SLC38A4: variants seen among roughly 807,000 people sequenced by gnomAD.
SLC38A4 encodes solute carrier family 38 member 4, also known as sodium-coupled neutral amino acid transporter 4.
A neutral mutation model predicts 63.1 loss-of-function variants in SLC38A4; 20 were observed. The ratio of observed to expected loss-of-function variants is 0.32; its 90% CI spans 0.22 to 0.46. SLC38A4 has a LOEUF of 0.46. Among genes scored for constraint, SLC38A4 ranks in the 20% least tolerant of loss-of-function variants. SLC38A4 has a pLI of 1.00. For missense variants in SLC38A4, 526 were observed against 663.6 expected (o/e 0.79, Z 2.28); for synonymous variants, 230 against 225.5 (o/e 1.02, Z -0.18).
Position 46,766,408 on chromosome 12 carries a change from C to A in SLC38A4, c.*293G>T, listed in dbSNP as rs970412282. Reference sequence around the variant, plus strand: ...ATCTGATGATTGTTACATGCAGTTACCCTTATTCTGCTCGTAAAGCAGCAA... The same window carrying A: ...ATCTGATGATTGTTACATGCAGTTAACCTTATTCTGCTCGTAAAGCAGCAA... On this transcript the variant is annotated 3_prime_UTR_variant, in exon 17 of 17. Coordinates refer to ENST00000266579, the MANE Select transcript of SLC38A4 (RefSeq NM_018018.5). The A allele has an allele frequency of 1.9e-6, 1 of 514,744 alleles. No homozygotes were observed. The highest frequency in any genetic ancestry group is 3.8e-6 in the Non-Finnish European group (1 of 265,802). The allele number at this position is 514,744 out of a possible 1,614,324, so 31.9% of individuals were successfully genotyped here.
At chr12:46,813,294 G>A (rs1939376112) in intron 1 of SLC38A4, among the ~76,000 whole-genome samples, 1 of 151,940 alleles carries the variant, frequency 6.6e-6, no homozygotes. Flanking sequence ...TTATTACAAA[G>A]CACAGTCCTT....
chr12:46,821,958 T>G (rs1939558759), intron 1 of SLC38A4, among the ~76,000 whole-genome samples: 2 of 152,178 alleles, frequency 1.3e-5, no homozygotes, highest in African/African-American at 4.8e-5. Context: ...ATTGTTTTGT[T>G]AATTTCCTGA....
At chr12:46,773,290 A>T (rs900277490) in intron 14 of SLC38A4, among the ~76,000 whole-genome samples, 36 of 152,058 alleles carry the variant, frequency 2.4e-4, no homozygotes, top group Non-Finnish European at 4.6e-4. Context: ...CTTCCCAAGC[A>T]CGACGGAGCT....
intron 14 of SLC38A4, among the ~76,000 whole-genome samples, chr12:46,774,809 G>C (rs1481838433): frequency 6.6e-6 from 1 of 151,920 alleles, no homozygotes; most frequent in Non-Finnish European, 1.5e-5. Flanking sequence ...TTTCAACTTT[G>C]AGTTTAAAAA....
intron 14 of SLC38A4, among the ~76,000 whole-genome samples, chr12:46,770,089 G>C (rs1045394595): frequency 2.0e-5 from 3 of 151,930 alleles, no homozygotes; most frequent in Non-Finnish European, 4.4e-5. Context: ...AGAATTTATT[G>C]TTAAAAATAA....
chr12:46,800,864 GT>G (rs2120858425), intron 2 of SLC38A4, among the ~76,000 whole-genome samples: 1 of 152,176 alleles, frequency 6.6e-6, no homozygotes, highest in Admixed American at 6.6e-5. Flanking sequence ...TTTGATTATA[GT>G]TTTATAGGAT....
At chr12:46,782,200 A>G (rs1938657648) in intron 7 of SLC38A4, among the ~76,000 whole-genome samples, 1 of 152,032 alleles carries the variant, frequency 6.6e-6, no homozygotes, top group Non-Finnish European at 1.5e-5. Context: ...CATTCCAGAA[A>G]TCCTTGATAA....
intron 3 of SLC38A4, among the ~76,000 whole-genome samples, chr12:46,790,330 C>T (rs1938858326): frequency 6.6e-6 from 1 of 152,170 alleles, no homozygotes; most frequent in Non-Finnish European, 1.5e-5. Flanking sequence ...AAGTTAAGAA[C>T]ATTTCCTAGC....
chr12:46,772,732 C>T (rs1456068630), intron 14 of SLC38A4, among the ~76,000 whole-genome samples: 6 of 152,018 alleles, frequency 3.9e-5, no homozygotes, highest in African/African-American at 1.2e-4. Flanking sequence ...GAAAAACAAA[C>T]CCCAGTCATA....
chr12:46,785,565 T>C (rs1938740807), intron 5 of SLC38A4, among the ~76,000 whole-genome samples: 2 of 152,198 alleles, frequency 1.3e-5, no homozygotes, highest in Non-Finnish European at 2.9e-5. Context: ...TTCAATAGCC[T>C]GACTAAACCT....
Position 46,792,696 on chromosome 12 carries a change from A to G in SLC38A4, c.119+257T>C, listed in dbSNP as rs80233848. 1.9e-3 allele frequency among the ~76,000 whole-genome samples: 294 copies of G among 152,280 alleles called. 4 individuals are homozygous for G. In the East Asian group the frequency reaches 0.023, roughly 12 times the overall value. ...GGAATCTGAGAAAGATAAGAGGAGC[A>G]ATAGGCTAAAATAATTAAAATTATT... On this transcript the variant is annotated intron_variant, in intron 3 of 16. Coordinates refer to ENST00000266579, the MANE Select transcript of SLC38A4 (RefSeq NM_018018.5).
At chr12:46,766,900 TG>T in intron 16 of SLC38A4, 98 bp from the exon 17 acceptor site, 4 of 748,178 alleles carry the variant, frequency 5.3e-6, no homozygotes, top group Non-Finnish European at 8.9e-6. Flanking sequence ...ATCTATATAT[TG>T]AGCCATATTA....
At chr12:46,804,522 T>C in intron 1 of SLC38A4, among the ~76,000 whole-genome samples, 1 of 151,996 alleles carries the variant, frequency 6.6e-6, no homozygotes, top group East Asian at 1.9e-4. Flanking sequence ...ATTTATGACA[T>C]GAATGAACAA....
intron 1 of SLC38A4, among the ~76,000 whole-genome samples, chr12:46,816,730 A>C (rs1299890422): frequency 6.6e-6 from 1 of 151,908 alleles, no homozygotes; most frequent in Non-Finnish European, 1.5e-5. Context: ...TAAAGGAGTA[A>C]TAAAAAATGT....
upstream of SLC38A4, among the ~76,000 whole-genome samples, chr12:46,830,651 G>T (rs78245144): frequency 2.0e-5 from 3 of 152,062 alleles, no homozygotes; most frequent in African/African-American, 7.2e-5. Context: ...ACCCGCCCCC[G>T]TCCGCACAAC....
In SLC38A4 at chr12:46,821,394, C is replaced by T. The variant is rs148088100; in HGVS notation, c.-305+4509G>A. On this transcript the variant is annotated intron_variant, in intron 1 of 16. Transcript: ENST00000266579. ...TTTGCATGTGGATATACAGTTTTCC[C>T]AACACCATTTGTTGAAGAGGCTATG... Among the ~76,000 whole-genome samples, 1,057 of 152,086 alleles carry T rather than the reference C, an allele frequency of 7.0e-3. 11 individuals carry two copies. The highest frequency in any genetic ancestry group is 0.026 in the South Asian group (127 of 4,814).
chr12:46,807,270 A>G (rs1485859219), intron 1 of SLC38A4, among the ~76,000 whole-genome samples: 1 of 151,790 alleles, frequency 6.6e-6, no homozygotes, highest in East Asian at 1.9e-4. Context: ...CCTTTAGGTC[A>G]TCTCCCTTTT....
chr12:46,826,414 C>T (rs1028517288), upstream of SLC38A4, among the ~76,000 whole-genome samples: 4 of 152,066 alleles, frequency 2.6e-5, no homozygotes, highest in Admixed American at 6.5e-5. Context: ...TGAAGAATTG[C>T]GATAATATCT....
At chr12:46,795,829 G>A (rs1938990882) in intron 2 of SLC38A4, among the ~76,000 whole-genome samples, 1 of 150,388 alleles carries the variant, frequency 6.6e-6, no homozygotes, top group Non-Finnish European at 1.5e-5. Flanking sequence ...GTTTTCTGAG[G>A]ATTTCAGAAT....
Sources: gnomAD v4.1 joint callset for allele counts (sites outside exome capture counted in the v4.1 genomes callset) on GRCh38, gnomAD v4.1.1 for gene constraint, MANE v1.5 for transcripts, NCBI Gene and HGNC (gene_info 2026-07-23, HGNC 2026-07-21) for gene names.